The following NAALADL2 variants were observed in gnomAD, a reference collection of about 807,000 sequenced individuals.
NAALADL2 encodes the protein inactive N-acetylated-alpha-linked acidic dipeptidase-like protein 2.
NAALADL2 carries 76 observed loss-of-function variants against 87.2 expected under a neutral mutation model. The observed-to-expected ratio is 0.87, with a 90% confidence interval of 0.72 to 1.05. NAALADL2 has a LOEUF of 1.05. Among genes scored for constraint, NAALADL2 ranks in the 50% least tolerant of loss-of-function variants. NAALADL2 has a pLI of 0.00. For synonymous variants in NAALADL2, 354 were observed against 331.0 expected (o/e 1.07, Z -0.75); for missense variants, 1,089 against 945.8 (o/e 1.15, Z -1.99).
chr3:175,698,918 A>C (rs1425812784), intron 11 of NAALADL2, among the ~76,000 whole-genome samples: 1 of 151,992 alleles, frequency 6.6e-6, no homozygotes, highest in Non-Finnish European at 1.5e-5. Context: ...TGCTAAGCAC[A>C]CATAAAACTA....
intron 11 of NAALADL2, among the ~76,000 whole-genome samples, chr3:175,632,269 T>C (rs1560884918): frequency 2.1e-5 from 1 of 47,954 alleles, no homozygotes; most frequent in Non-Finnish European, 3.6e-5. Flanking sequence ...TTTCCCCTTC[T>C]CTCTCTCTCT....
At chr3:175,305,988 CAT>C (rs1049174311) in intron 4 of NAALADL2, among the ~76,000 whole-genome samples, 3 of 151,974 alleles carry the variant, frequency 2.0e-5, no homozygotes, top group Non-Finnish European at 2.9e-5. Context: ...TGATAAAAAA[CAT>C]ATTGCTAGGA....
At chr3:175,798,933 G>A (rs1753810396) in intron 13 of NAALADL2, among the ~76,000 whole-genome samples, 2 of 152,116 alleles carry the variant, frequency 1.3e-5, no homozygotes, top group South Asian at 4.1e-4. Flanking sequence ...TGTACTTCAT[G>A]CCATTGGGTT....
At chr3:175,266,159 TA>T (rs1158777154) in intron 4 of NAALADL2, among the ~76,000 whole-genome samples, 1 of 150,866 alleles carries the variant, frequency 6.6e-6, no homozygotes, top group Non-Finnish European at 1.5e-5. Flanking sequence ...CATTTTAGAA[TA>T]CACCCGGTAA....
intron 12 of NAALADL2, among the ~76,000 whole-genome samples, chr3:175,752,435 AAAG>A (rs1746727998): frequency 6.6e-6 from 1 of 152,150 alleles, no homozygotes; most frequent in Non-Finnish European, 1.5e-5. Context: ...TGGGGTCACA[AAAG>A]CTGAAGTAGG....
chr3:174,636,678 G>T (rs943775406), intron 2 of NAALADL2, among the ~76,000 whole-genome samples: 2 of 152,050 alleles, frequency 1.3e-5, no homozygotes, highest in East Asian at 1.9e-4. Context: ...AGGATACAGA[G>T]AAAAGGGAAC....
At chr3:174,744,069 A>G (rs1734016274) in intron 3 of NAALADL2, among the ~76,000 whole-genome samples, 1 of 151,896 alleles carries the variant, frequency 6.6e-6, no homozygotes. Context: ...CTGCAGATAG[A>G]TGAGTGTGGT....
At chr3:174,834,067 A>G (rs1723047857) in intron 3 of NAALADL2, among the ~76,000 whole-genome samples, 2 of 149,520 alleles carry the variant, frequency 1.3e-5, no homozygotes. Flanking sequence ...AGGAAGAAAA[A>G]TGAATTAAAG....
At chr3:174,900,900 G>C (rs1428002017) in intron 1 of NAALADL2, among the ~76,000 whole-genome samples, 6 of 151,796 alleles carry the variant, frequency 4.0e-5, no homozygotes, top group Non-Finnish European at 5.9e-5. Flanking sequence ...CCTATACTTT[G>C]TCATGACTCT....
At chr3:174,950,250 A>G (rs1433488087) in intron 1 of NAALADL2, among the ~76,000 whole-genome samples, 2 of 152,038 alleles carry the variant, frequency 1.3e-5, no homozygotes, top group Admixed American at 1.3e-4. Flanking sequence ...CCTACTGAAT[A>G]TGAATTGAGA....
chr3:175,787,933 G>A (rs948917348), intron 13 of NAALADL2, among the ~76,000 whole-genome samples: 2 of 151,996 alleles, frequency 1.3e-5, no homozygotes, highest in African/African-American at 4.8e-5. Context: ...AATAAATTTA[G>A]TATAGCCTAA....
At chr3:175,583,509 A>AAACT (rs1720096173) in intron 10 of NAALADL2, among the ~76,000 whole-genome samples, 1 of 141,832 alleles carries the variant, frequency 7.1e-6, no homozygotes, top group Non-Finnish European at 1.6e-5. Flanking sequence ...AAAAAAAATC[A>AAACT]GATGTGTGGG....
At chr3:175,596,363 AG>A (rs1722242837) in intron 10 of NAALADL2, among the ~76,000 whole-genome samples, 1 of 151,970 alleles carries the variant, frequency 6.6e-6, no homozygotes, top group African/African-American at 2.4e-5. Context: ...AACTAAACAA[AG>A]CTAAATTATA....
chr3:175,322,296 T>C (rs1328512066), intron 4 of NAALADL2, among the ~76,000 whole-genome samples: 5 of 142,178 alleles, frequency 3.5e-5, no homozygotes, highest in Non-Finnish European at 6.0e-5. Flanking sequence ...TGTAGAAAGC[T>C]GAAACTGGAT....
intron 1 of NAALADL2, among the ~76,000 whole-genome samples, chr3:174,946,254 A>G (rs1168060043): frequency 6.6e-6 from 1 of 152,052 alleles, no homozygotes; most frequent in Non-Finnish European, 1.5e-5. Context: ...CTAGTTAAAT[A>G]TAATATACAT....
chr3:174,947,945 A>AC (rs1453353848), intron 1 of NAALADL2, among the ~76,000 whole-genome samples: 3 of 152,094 alleles, frequency 2.0e-5, no homozygotes, highest in Non-Finnish European at 2.9e-5. Flanking sequence ...CTGTATACCT[A>AC]CATAGATGTA....
At chr3:175,240,387 C>A (rs1482877258) in intron 3 of NAALADL2, among the ~76,000 whole-genome samples, 1 of 152,134 alleles carries the variant, frequency 6.6e-6, no homozygotes, top group Non-Finnish European at 1.5e-5. Context: ...GGATAACCTA[C>A]AATCAGATGC....
At chr3:175,586,644 C>T (rs1383652247) in intron 10 of NAALADL2, among the ~76,000 whole-genome samples, 1 of 152,142 alleles carries the variant, frequency 6.6e-6, no homozygotes, top group Non-Finnish European at 1.5e-5. Context: ...AAAAAATAAA[C>T]TCTACCTTTA....
chr3:174,462,209 A>G (rs1429549323), intron 1 of NAALADL2, among the ~76,000 whole-genome samples: 6 of 151,948 alleles, frequency 3.9e-5, no homozygotes, highest in Admixed American at 1.3e-4. Context: ...TTTCAATGTT[A>G]TCCCGTATTT....
Sources: gnomAD v4.1 joint callset for allele counts (sites outside exome capture counted in the v4.1 genomes callset) on GRCh38, gnomAD v4.1.1 for gene constraint, MANE v1.5 for transcripts, NCBI Gene and HGNC (gene_info 2026-07-23, HGNC 2026-07-21) for gene names.